MINAR1: variants seen among roughly 807,000 people sequenced by gnomAD.
The protein encoded by MINAR1 is membrane integral NOTCH2 associated receptor 1.
Under a neutral mutation model 65.1 loss-of-function variants are expected in MINAR1, and 40 were observed. That is an observed-to-expected ratio of 0.61 (90% CI 0.48 to 0.80). The LOEUF is 0.80. Ranked by LOEUF, MINAR1 falls within the 30% of genes least tolerant of loss-of-function variation. MINAR1 has a pLI of 0.00. For synonymous variants in MINAR1, 482 were observed against 449.1 expected (o/e 1.07, Z -0.93); for missense variants, 1,128 against 1,148.0 (o/e 0.98, Z 0.25).
chr15:79,450,125 T>C (rs1337145915), intron 1 of MINAR1, among the ~76,000 whole-genome samples: 4 of 152,186 alleles, frequency 2.6e-5, no homozygotes, highest in African/African-American at 9.7e-5. Flanking sequence ...ACCCTGGGTG[T>C]TGGGGACAGT....
At chr15:79,426,871 C>A in the MINAR1 span, 1 of 152,216 alleles carries the variant, frequency 6.6e-6, no homozygotes, top group Non-Finnish European at 1.5e-5. Context: ...CACAGCATCA[C>A]TTAGAAGTTT....
At chr15:79,420,858 G>T in the MINAR1 span, 6 of 152,306 alleles carry the variant, frequency 3.9e-5, no homozygotes, top group African/African-American at 1.4e-4. Context: ...TCATGTTGTG[G>T]TTTTTTGCTC....
Position 79,471,634 on chromosome 15 carries a change from C to A in MINAR1, c.*3250C>A, listed in dbSNP as rs1449548641. 6.6e-6 allele frequency: 1 copy of A among 152,364 alleles called. No homozygotes were observed. Among genetic ancestry groups the A allele is most frequent in the Non-Finnish European group, 1.5e-5 (1 of 68,020 alleles). 9.4% of individuals were successfully genotyped at this position (152,364 alleles called of 1,614,324 possible). On this transcript the variant is annotated 3_prime_UTR_variant, in exon 4 of 4. Transcript: ENST00000305428. The stretch of plus-strand genomic sequence containing the variant: ...GAATATCTGTGCCATAGTTCTGATA[C>A]CCTTATTGGAATCAAGGCAGTGCTG...
upstream of MINAR1, among the ~76,000 whole-genome samples, chr15:79,431,512 T>TGGG (rs1261340803): frequency 5.7e-5 from 7 of 122,852 alleles, no homozygotes; most frequent in African/African-American, 2.7e-4. Context: ...TGTGTGTGTG[T>TGGG]GTGGGGGGGG....
chr15:79,464,901 C>A (rs565496122), intron 3 of MINAR1, among the ~76,000 whole-genome samples: 1 of 152,050 alleles, frequency 6.6e-6, no homozygotes, highest in Non-Finnish European at 1.5e-5. Flanking sequence ...TCATGATTCT[C>A]CCTCCGGTGG....
At position 79,469,829 on chromosome 15, in the gene MINAR1, A is replaced by ATAGATTTTGGTAGC. The variant is rs1189328446; in HGVS notation, c.*1446_*1459dup. The ATAGATTTTGGTAGC allele has an allele frequency of 1.3e-5, 2 of 152,674 alleles. No homozygotes were observed. The highest frequency in any genetic ancestry group is 3.8e-4 in the East Asian group (2 of 5,202). The allele number at this position is 152,674 out of a possible 1,614,324, so 9.5% of individuals were successfully genotyped here. A position where few individuals can be genotyped will look rare whatever the true frequency, so the allele number is the denominator to read the frequency against. On this transcript the variant is annotated 3_prime_UTR_variant, in exon 4 of 4. Transcript: ENST00000305428. ...TTTTTGATAATAAGGTGGGATATAA[A>ATAGATTTTGGTAGC]TAGATTTTGGTAGCAAGTGTAATCA... is the stretch of plus-strand genomic sequence containing the variant.
intron 3 of MINAR1, 67 bp from the exon 4 acceptor site, chr15:79,468,120 T>C (rs1895940170): frequency 7.6e-6 from 10 of 1,309,816 alleles, no homozygotes; most frequent in Non-Finnish European, 1.1e-5. Flanking sequence ...GAGTGATGAC[T>C]GTCGGGACGT....
At chr15:79,424,484 T>C in the MINAR1 span, 39 of 152,384 alleles carry the variant, frequency 2.6e-4, no homozygotes, top group Admixed American at 2.4e-3. Context: ...CACAGCACTG[T>C]GGCTTTCTTC....
At chr15:79,428,385 CT>C (rs1567046065), upstream of MINAR1, among the ~76,000 whole-genome samples, 1 of 122,738 alleles carries the variant, frequency 8.1e-6, no homozygotes, top group Non-Finnish European at 1.7e-5. Flanking sequence ...CCTTCCCTCC[CT>C]CCTCTCCCTC....
At position 79,468,269 on chromosome 15, in the gene MINAR1, G is replaced by A. The variant is rs757430018; in HGVS notation, c.2636G>A (p.Arg879His). 5.0e-5 allele frequency: 81 copies of A among 1,613,828 alleles called. 1 individual carries two copies. The highest frequency in any genetic ancestry group is 4.9e-4 in the Middle Eastern group (3 of 6,082). Residue 879 changes from arginine (R) to histidine (H), a missense_variant, in exon 4 of 4, where the codon CGT becomes CAT. By Grantham distance (29) the Arg-to-His change is conservative. Transcript: ENST00000305428. Reference protein sequence around the residue: ...YTPGYDSLLKRKEAEFRRAKV... With the variant: ...YTPGYDSLLKHKEAEFRRAKV... ...CCAGGATACGATTCATTACTAAAAC[G>A]TAAAGAAGCCGAATTCAGACGAGCC...
the MINAR1 span, chr15:79,420,873 A>G: frequency 6.6e-6 from 1 of 152,458 alleles, no homozygotes; most frequent in East Asian, 1.9e-4. Flanking sequence ...TTGCTCTTGC[A>G]CTAGAGTACG....
At chr15:79,464,879 CGGTGG>C in intron 3 of MINAR1, among the ~76,000 whole-genome samples, 1 of 130,432 alleles carries the variant, frequency 7.7e-6, no homozygotes, top group East Asian at 3.2e-4. Context: ...ATTCTCCCTC[CGGTGG>C]AATATTTCAT....
chr15:79,431,703 G>A (rs1385667171), upstream of MINAR1, among the ~76,000 whole-genome samples: 2 of 152,198 alleles, frequency 1.3e-5, no homozygotes, highest in East Asian at 3.9e-4. Context: ...GACACTCTTC[G>A]CCCCTGCTTG....
chr15:79,412,584 A>G, the MINAR1 span: 1 of 152,398 alleles, frequency 6.6e-6, no homozygotes, highest in African/African-American at 2.4e-5. Context: ...GCGGGACAGC[A>G]TGCGAAGTTG....
At chr15:79,414,241 T>G in the MINAR1 span, 1 of 152,224 alleles carries the variant, frequency 6.6e-6, no homozygotes, top group Non-Finnish European at 1.5e-5. Flanking sequence ...CTCTTTCAAT[T>G]CAAGATAGCC....
intron 3 of MINAR1, 47 bp downstream of exon 3, chr15:79,463,368 G>A (rs1895723125): frequency 6.3e-7 from 1 of 1,597,646 alleles, no homozygotes; most frequent in Non-Finnish European, 8.6e-7. Context: ...GCTGTGCCCT[G>A]GCAAATGCCC....
In MINAR1 at chr15:79,470,663, T is replaced by A. The variant is rs964442201; in HGVS notation, c.*2279T>A. ...AATGAAAGGATTCTATAGAATATTC[T>A]ATACTTTCCATAGCTGGAGAGGTAG... On this transcript the variant is annotated 3_prime_UTR_variant, in exon 4 of 4. Coordinates refer to ENST00000305428, the MANE Select transcript of MINAR1 (RefSeq NM_015206.3). 1 of 152,244 alleles carries A rather than the reference T, an allele frequency of 6.6e-6. No individual in the cohort carries two copies. Among genetic ancestry groups the A allele is most frequent in the Non-Finnish European group, 1.5e-5 (1 of 68,046 alleles). The allele number at this position is 152,244 out of a possible 1,614,324, so 9.4% of individuals were successfully genotyped here. A position where few individuals can be genotyped will look rare whatever the true frequency, so the allele number is the denominator to read the frequency against.
At chr15:79,429,582 G>A (rs868707938), upstream of MINAR1, among the ~76,000 whole-genome samples, 4 of 152,208 alleles carry the variant, frequency 2.6e-5, no homozygotes, top group Admixed American at 6.5e-5. Context: ...TTGTCTTCGT[G>A]ATCTGGTGCA....
At chr15:79,460,833 G>C (rs1895618143) in intron 2 of MINAR1, among the ~76,000 whole-genome samples, 1 of 152,186 alleles carries the variant, frequency 6.6e-6, no homozygotes, top group Non-Finnish European at 1.5e-5. Flanking sequence ...CTACCTTGAT[G>C]AGTCTTCCTG....
Sources: gnomAD v4.1 joint callset for allele counts (sites outside exome capture counted in the v4.1 genomes callset) on GRCh38, gnomAD v4.1.1 for gene constraint, MANE v1.5 for transcripts, NCBI Gene and HGNC (gene_info 2026-07-23, HGNC 2026-07-21) for gene names.